TFDP1: variants seen among roughly 807,000 people sequenced by gnomAD.
TFDP1 encodes the protein transcription factor Dp-1.
A neutral mutation model predicts 48.0 loss-of-function variants in TFDP1; 6 were observed. The ratio of observed to expected loss-of-function variants is 0.13; its 90% CI spans 0.07 to 0.25. TFDP1 has a LOEUF of 0.25. Among genes scored for constraint, TFDP1 ranks in the 10% least tolerant of loss-of-function variants. The pLI, the probability that TFDP1 is intolerant of heterozygous loss-of-function variation, is 1.00. For synonymous variants in TFDP1, 201 were observed against 211.6 expected (o/e 0.95, Z 0.44); for missense variants, 335 against 543.0 (o/e 0.62, Z 3.81).
intron 1 of TFDP1, among the ~76,000 whole-genome samples, chr13:113,585,100 C>G (rs1370495806): frequency 6.8e-6 from 1 of 146,798 alleles, no homozygotes; most frequent in Non-Finnish European, 1.5e-5. Flanking sequence ...GGCGGGGGTC[C>G]CGGGCCCGGC....
At position 113,598,989 on chromosome 13, in the gene TFDP1, A is replaced by G. The variant is rs1202386235; in HGVS notation, c.13-12007A>G. On this transcript the variant is annotated intron_variant, in intron 2 of 11. Transcript: ENST00000375370. The surrounding 1 kb of genome is among the most constrained non-coding windows in gnomAD (Gnocchi z 4.2). The stretch of plus-strand genomic sequence containing the variant: ...AACGTAGGGTGCAGAAAGGTGTCAG[A>G]AAGTAAGCAGTCATCTGAAATGACA... Among the ~76,000 whole-genome samples, 1 of 152,258 alleles carries G rather than the reference A, an allele frequency of 6.6e-6. No homozygotes were observed. Among genetic ancestry groups the G allele is most frequent in the Non-Finnish European group, 1.5e-5 (1 of 68,046 alleles).
chr13:113,636,100 G>A lies in TFDP1; in HGVS notation c.811G>A (p.Val271Ile), dbSNP rs1388386832. Residue 271 changes from valine (V) to isoleucine (I), a missense_variant, in exon 9 of 12, where the codon GTC becomes ATC. This residue lies in a region of TFDP1 where 204 missense variants were observed against 287.1 expected (regional missense o/e 0.71). Transcript: ENST00000375370. ...FIIVNTSKKT[V>I]IDCSISNDKF... ...CATCGTCAACACCAGCAAGAAGACG[G>A]TCATCGACTGCAGCATCTCCAATGA... 7 of 1,614,114 alleles carry A rather than the reference G, an allele frequency of 4.3e-6. No individual in the cohort carries two copies. Among genetic ancestry groups the A allele is most frequent in the Non-Finnish European group, 5.9e-6 (7 of 1,180,042 alleles).
intron 2 of TFDP1, among the ~76,000 whole-genome samples, chr13:113,590,191 C>T (rs966376801): frequency 8.5e-5 from 13 of 152,142 alleles, no homozygotes; most frequent in Non-Finnish European, 1.6e-4. Context: ...CGTCACTGCC[C>T]GGTATTCACG....
chr13:113,587,041 G>A (rs979266167), intron 2 of TFDP1, among the ~76,000 whole-genome samples: 2 of 152,340 alleles, frequency 1.3e-5, no homozygotes, highest in Non-Finnish European at 2.9e-5. Context: ...GTTAGAGCAC[G>A]CTTCTGGTGT....
chr13:113,588,454 A>C (rs1340323780), intron 2 of TFDP1, among the ~76,000 whole-genome samples: 2 of 152,234 alleles, frequency 1.3e-5, no homozygotes, highest in Non-Finnish European at 2.9e-5. Flanking sequence ...GGGCACAGGG[A>C]GACAAGCGGG....
chr13:113,591,797 G>A (rs545752125), intron 2 of TFDP1, among the ~76,000 whole-genome samples: 5 of 152,326 alleles, frequency 3.3e-5, no homozygotes, highest in East Asian at 1.9e-4. Context: ...ATGGATCTGC[G>A]AGGGGAAGGG....
chr13:113,632,155 G>A (rs2049353921), intron 5 of TFDP1, among the ~76,000 whole-genome samples: 1 of 152,340 alleles, frequency 6.6e-6, no homozygotes, highest in South Asian at 2.1e-4. Flanking sequence ...TACGGCCCCC[G>A]CGGGTGGTCC....
At chr13:113,611,528 G>A (rs575464530) in intron 3 of TFDP1, among the ~76,000 whole-genome samples, 4 of 152,298 alleles carry the variant, frequency 2.6e-5, no homozygotes, top group Admixed American at 6.5e-5. Flanking sequence ...AGGAAGAGCC[G>A]TTTTTCTTGT....
At chr13:113,589,912 C>T (rs115615896) in intron 2 of TFDP1, among the ~76,000 whole-genome samples, 1,951 of 152,312 alleles carry the variant, frequency 0.013, 42 homozygotes, top group African/African-American at 0.045. Context: ...CTCCCTACCT[C>T]GGAACATCCT....
chr13:113,630,742 G>C (rs1334209619), intron 4 of TFDP1, among the ~76,000 whole-genome samples: 7 of 152,206 alleles, frequency 4.6e-5, no homozygotes, highest in African/African-American at 1.4e-4. Context: ...AGGGTGTCCA[G>C]GTATTCACAC....
At chr13:113,618,213 A>G (rs1227537091) in intron 3 of TFDP1, among the ~76,000 whole-genome samples, 13 of 152,112 alleles carry the variant, frequency 8.5e-5, no homozygotes, top group Non-Finnish European at 1.8e-4. Flanking sequence ...TACTCTACTT[A>G]TATTGCCAGA....
intron 2 of TFDP1, among the ~76,000 whole-genome samples, chr13:113,604,684 G>A (rs1387734841): frequency 2.0e-5 from 3 of 152,146 alleles, no homozygotes; most frequent in Admixed American, 6.5e-5. Flanking sequence ...AGCAGCCTCC[G>A]TTTACAGCCA....
intron 3 of TFDP1, among the ~76,000 whole-genome samples, chr13:113,620,024 T>C (rs1431191369): frequency 6.6e-6 from 1 of 152,200 alleles, no homozygotes. Context: ...CTCTTCCCTC[T>C]GTGTGTTTGT....
rs1354418278 is a variant in TFDP1, at chr13:113,598,836, G to A, written c.13-12160G>A. Among the ~76,000 whole-genome samples, 1 of 152,198 alleles carries A rather than the reference G, an allele frequency of 6.6e-6. No homozygotes were observed. The highest frequency in any genetic ancestry group is 1.9e-4 in the East Asian group (1 of 5,198). ...TGACTCTTTCTTAGGGTGATGTTGG[G>A]CACCACCCTCGCCTGCAGCTCATCA... On this transcript the variant is annotated intron_variant, in intron 2 of 11. Transcript: ENST00000375370. The surrounding 1 kb of genome is among the most constrained non-coding windows in gnomAD (Gnocchi z 4.2).
In TFDP1 at chr13:113,598,009, G is replaced by A. The variant is rs1012572559; in HGVS notation, c.12+12160G>A. 1.3e-5 allele frequency among the ~76,000 whole-genome samples: 2 copies of A among 152,174 alleles called. No homozygotes were observed. The highest frequency in any genetic ancestry group is 2.9e-5 in the Non-Finnish European group (2 of 68,034). On this transcript the variant is annotated intron_variant, in intron 2 of 11. Coordinates refer to ENST00000375370, the MANE Select transcript of TFDP1 (RefSeq NM_007111.5). This position sits in a 1 kb window ranked among gnomAD's most constrained non-coding sequence, Gnocchi z 4.2. ...CTGCTTCCAGGAGGGCTGCAGGCAC[G>A]AGGTGTTCAAATGCAGCAGTGACTT...
chr13:113,592,660 C>T (rs1205284314), intron 2 of TFDP1, among the ~76,000 whole-genome samples: 1 of 152,252 alleles, frequency 6.6e-6, no homozygotes, highest in Non-Finnish European at 1.5e-5. Flanking sequence ...AATGGGGAAG[C>T]AGGAGAGGGT....
chr13:113,585,907 A>G, intron 2 of TFDP1, 58 bp downstream of exon 2: 1 of 1,564,014 alleles, frequency 6.4e-7, no homozygotes, highest in Non-Finnish European at 8.8e-7. Context: ...AATTCTTTGT[A>G]GTTCTCTGCC....
At chr13:113,585,906 T>C (rs774985272) in intron 2 of TFDP1, 57 bp downstream of exon 2, 2 of 1,567,650 alleles carry the variant, frequency 1.3e-6, no homozygotes, top group Non-Finnish European at 8.8e-7. Flanking sequence ...AAATTCTTTG[T>C]AGTTCTCTGC....
chr13:113,621,692 C>T (rs1260928282), intron 3 of TFDP1, among the ~76,000 whole-genome samples: 2 of 152,332 alleles, frequency 1.3e-5, no homozygotes, highest in South Asian at 2.1e-4. Flanking sequence ...CTAGCGGTAA[C>T]GCCAGCGTCT....
Sources: allele counts gnomAD v4.1 joint callset (sites outside exome capture counted in the v4.1 genomes callset), GRCh38; gene constraint gnomAD v4.1.1; regional missense constraint gnomAD v4.1.1; non-coding constraint Gnocchi (gnomAD v3.1); transcripts MANE v1.5; gene names NCBI Gene and HGNC (gene_info 2026-07-23, HGNC 2026-07-21).